KLF16: variants seen among roughly 807,000 people sequenced by gnomAD.
KLF16 encodes Krueppel-like factor 16.
A neutral mutation model predicts 6.1 loss-of-function variants in KLF16; 6 were observed. The observed-to-expected ratio is 0.98, with a 90% CI of 0.54 to 1.93. The LOEUF (loss-of-function observed/expected upper bound fraction) is 1.93, where lower values mean the gene tolerates loss of function less well. KLF16 is among the 30% of genes most tolerant of loss of function. The pLI, the probability that KLF16 is intolerant of heterozygous loss-of-function variation, is 0.01. For synonymous variants in KLF16, 211 were observed against 176.5 expected, an observed-to-expected ratio of 1.20 and a Z score of -1.55; for missense variants, 355 against 363.8, an observed-to-expected ratio of 0.98 and a Z score of 0.20.
At chr19:1,855,599 T>A (rs1453990424) in intron 1 of KLF16, among the ~76,000 whole-genome samples, 1 of 152,220 alleles carries the variant, frequency 6.6e-6, no homozygotes, top group Non-Finnish European at 1.5e-5. Flanking sequence ...CGTCACCATC[T>A]GGGCCTGCCT....
At position 1,857,640 on chromosome 19, in the gene KLF16, T is replaced by G. The variant is rs935180849; in HGVS notation, c.458-2880A>C. On this transcript the variant is annotated intron_variant, in intron 1 of 1. Coordinates refer to ENST00000250916, the MANE Select transcript of KLF16 (RefSeq NM_031918.4). This position sits in a 1 kb window ranked among gnomAD's most constrained non-coding sequence, Gnocchi z 4.7. ...CTGGTTCCGACAGGGAAGCCTCACC[T>G]CCTGAGCTTGTCTGGGGGGCCTTGG... Among the ~76,000 whole-genome samples the G allele has an allele frequency of 2.0e-5, 3 of 149,238 alleles. No homozygotes were observed. The highest frequency in any genetic ancestry group is 1.3e-4 in the Admixed American group (2 of 15,106).
chr19:1,859,239 TC>T (rs1471704596), intron 1 of KLF16, among the ~76,000 whole-genome samples: 2 of 151,930 alleles, frequency 1.3e-5, no homozygotes, highest in Non-Finnish European at 2.9e-5. Context: ...CATGGCTGCT[TC>T]CCCCTCTGGG....
At chr19:1,864,948 C>G (rs968799678), upstream of KLF16, among the ~76,000 whole-genome samples, 9 of 152,224 alleles carry the variant, frequency 5.9e-5, no homozygotes, top group African/African-American at 2.2e-4. Flanking sequence ...GCGGCGACCT[C>G]CTGCTCTGGG....
At chr19:1,865,518 G>A (rs529176310), upstream of KLF16, among the ~76,000 whole-genome samples, 13 of 152,356 alleles carry the variant, frequency 8.5e-5, no homozygotes, top group African/African-American at 2.9e-4. Context: ...GCCCTCAAGG[G>A]GCTTACAGTT....
chr19:1,859,663 A>G (rs1271036342), intron 1 of KLF16, among the ~76,000 whole-genome samples: 1 of 151,982 alleles, frequency 6.6e-6, no homozygotes, highest in Non-Finnish European at 1.5e-5. Context: ...TCCTCCAGGA[A>G]GCGCTTTCCG....
chr19:1,871,860 C>T, the KLF16 span, among the ~76,000 whole-genome samples: 1 of 152,056 alleles, frequency 6.6e-6, no homozygotes, highest in African/African-American at 2.4e-5. Flanking sequence ...CTAGGAGCTG[C>T]TTCAGGGACA....
upstream of KLF16, among the ~76,000 whole-genome samples, chr19:1,867,927 C>CGTGTGTGTGTGT (rs71174389): frequency 4.2e-4 from 62 of 147,976 alleles, no homozygotes; most frequent in East Asian, 1.8e-3. Context: ...TATGTAAGGA[C>CGTGTGTGTGTGT]GTGTGTGTGT....
At chr19:1,862,636 G>A (rs1474083984) in intron 1 of KLF16, among the ~76,000 whole-genome samples, 1 of 151,752 alleles carries the variant, frequency 6.6e-6, no homozygotes, top group Non-Finnish European at 1.5e-5. Context: ...AGGAAACTGA[G>A]GCTGGGGGAG....
the KLF16 span, chr19:1,875,504 A>G: frequency 6.6e-6 from 1 of 152,244 alleles, no homozygotes; most frequent in South Asian, 2.1e-4. Flanking sequence ...CTTGGAGGTT[A>G]GGACTGGGAA....
the KLF16 span, among the ~76,000 whole-genome samples, chr19:1,870,184 C>A: frequency 1.3e-5 from 2 of 151,918 alleles, no homozygotes; most frequent in Admixed American, 1.3e-4. Context: ...CCCGCCTCGG[C>A]CTCCCAAAGT....
rs2011853693 is a variant in KLF16, at chr19:1,852,455, G to C, written c.*2004C>G. ...TAAATACAAGGATGAGGCCAGGCAG[G>C]GCGGGGGAGGGGCGCCACCCACGGA... On this transcript the variant is annotated 3_prime_UTR_variant, in exon 2 of 2. Coordinates refer to ENST00000250916, the MANE Select transcript of KLF16 (RefSeq NM_031918.4). 1.3e-5 allele frequency: 2 copies of C among 152,134 alleles called. No individual in the cohort carries two copies. Among genetic ancestry groups the C allele is most frequent in the African/African-American group, 4.8e-5 (2 of 41,402 alleles). 9.4% of individuals were successfully genotyped at this position (152,134 alleles called of 1,614,324 possible).
rs1474821586 is a variant in KLF16, at chr19:1,863,531, C to T, written c.-34G>A. ...AGGGCGCGCGGCGCGGCGGGCGGAG[C>T]GGAGGCGGCGGGAGCGGCGTCCGTC... is the stretch of plus-strand genomic sequence containing the variant. On this transcript the variant is annotated 5_prime_UTR_variant, in exon 1 of 2. Transcript: ENST00000250916. 2 of 957,598 alleles carry T rather than the reference C, an allele frequency of 2.1e-6. No individual in the cohort carries two copies. The highest frequency in any genetic ancestry group is 4.6e-5 in the South Asian group (1 of 21,770). The allele number at this position is 957,598 out of a possible 1,614,324, so 59.3% of individuals were successfully genotyped here.
chr19:1,864,252 C>T (rs1229920736), upstream of KLF16, among the ~76,000 whole-genome samples: 1 of 149,994 alleles, frequency 6.7e-6, no homozygotes, highest in Non-Finnish European at 1.5e-5. Flanking sequence ...CGGAAGCGGC[C>T]GGCCCCGCCC....
chr19:1,861,012 G>A (rs1467714421), intron 1 of KLF16, among the ~76,000 whole-genome samples: 1 of 152,116 alleles, frequency 6.6e-6, no homozygotes, highest in Non-Finnish European at 1.5e-5. Flanking sequence ...ACCACACAGG[G>A]TAGACGGTGG....
chr19:1,863,751 G>A (rs1425416748), upstream of KLF16, among the ~76,000 whole-genome samples: 1 of 132,788 alleles, frequency 7.5e-6, no homozygotes, highest in Non-Finnish European at 1.6e-5. Flanking sequence ...CACGCCCCCC[G>A]CCCGGCGCGC....
upstream of KLF16, among the ~76,000 whole-genome samples, chr19:1,866,470 C>T (rs533698998): frequency 2.6e-5 from 4 of 152,040 alleles, no homozygotes; most frequent in East Asian, 1.9e-4. Flanking sequence ...AAAAATTAGC[C>T]GGGCCTGGTG....
rs1412487813 is a variant in KLF16 at position 1,863,462 on chromosome 19, G to T, written c.36C>A (p.Ala12=). 29 of 1,049,062 alleles carry T rather than the reference G, an allele frequency of 2.8e-5. No individual in the cohort carries two copies. Among genetic ancestry groups the T allele is most frequent in the Non-Finnish European group, 3.1e-5 (27 of 866,516 alleles). The allele number at this position is 1,049,062 out of a possible 1,614,324, so 65.0% of individuals were successfully genotyped here. A position where few individuals can be genotyped will look rare whatever the true frequency, so the allele number is the denominator to read the frequency against. The change falls in exon 1 of 2, where the codon GCC becomes GCA. Residue 12 remains alanine (A), a synonymous_variant. Coordinates refer to ENST00000250916, the MANE Select transcript of KLF16 (RefSeq NM_031918.4). ...AAGAGATGGCCATGAGCACGTCGGC[G>T]GCGAAGTAATCCACGCACGCCACGG... ...SAAVACVDYF[A]ADVLMAISSG... is the part of the protein sequence containing the mutation.
the KLF16 span, among the ~76,000 whole-genome samples, chr19:1,871,667 G>A: frequency 6.6e-5 from 10 of 151,948 alleles, no homozygotes; most frequent in African/African-American, 1.5e-4. Context: ...GGTGGGGGGC[G>A]GGGGGGCAGC....
upstream of KLF16, among the ~76,000 whole-genome samples, chr19:1,868,114 T>C (rs532167076): frequency 6.6e-6 from 1 of 152,300 alleles, no homozygotes; most frequent in South Asian, 2.1e-4. Context: ...TCAACAGGCA[T>C]CTAAGCAATG....
Sources: gnomAD v4.1 joint callset for allele counts (sites outside exome capture counted in the v4.1 genomes callset) on GRCh38, gnomAD v4.1.1 for gene constraint, Gnocchi (gnomAD v3.1) non-coding constraint, MANE v1.5 for transcripts, NCBI Gene and HGNC (gene_info 2026-07-23, HGNC 2026-07-21) for gene names.